Variants in PRKAG3 observed in about 807,000 individuals in gnomAD.
The protein encoded by PRKAG3 is 5'-AMP-activated protein kinase subunit gamma-3.
In PRKAG3, 39 loss-of-function variants were observed where a neutral mutation model predicts 56.5. The observed-to-expected ratio is 0.69, with a 90% confidence interval of 0.53 to 0.90. PRKAG3 has a LOEUF of 0.90. Among genes scored for constraint, PRKAG3 ranks in the 40% least tolerant of loss-of-function variants. The pLI, the probability that PRKAG3 is intolerant of heterozygous loss-of-function variation, is 0.00. For missense variants in PRKAG3, 628 were observed against 627.5 expected, an observed-to-expected ratio of 1.00 and a Z score of -0.01; for synonymous variants, 243 against 250.1, an observed-to-expected ratio of 0.97 and a Z score of 0.27.
At chr2:218,830,377 G>A (rs1944002955) in exon 4 of PRKAG3, 1 of 1,607,048 alleles carries the variant, frequency 6.2e-7, no homozygotes, top group African/African-American at 1.3e-5. Context: ...GCCTGGACCG[G>A]GGACCTGTTT....
In PRKAG3 at chr2:218,824,552, C is replaced by T. The variant is rs200507899; in HGVS notation, c.1193G>A (p.Arg398His). The T allele has an allele frequency of 4.5e-5, 72 of 1,613,144 alleles. No individual in the cohort carries two copies. The highest frequency in any genetic ancestry group is 1.3e-4 in the South Asian group (12 of 91,062). The stretch of plus-strand genomic sequence containing the variant: ...AGCGACACTTACAATCACATCAAAG[C>T]GGGAATAGAGGCCCACGACCTGACC... Residue 398 changes from arginine to histidine, a missense_variant, in exon 11 of 13, where the codon CGC becomes CAC. Arg to His is a conservative substitution (Grantham distance 29). Coordinates refer to ENST00000529249, the Ensembl canonical transcript of PRKAG3.
exon 4 of PRKAG3, chr2:218,830,216 T>C (rs1484777069): frequency 1.2e-6 from 2 of 1,614,046 alleles, no homozygotes; most frequent in South Asian, 2.2e-5. Context: ...CAGCTCCACA[T>C]CATCTGTGCT....
In PRKAG3 at chr2:218,827,218, C is replaced by G. The variant is rs1216667676; in HGVS notation, c.1002+29G>C. On this transcript the variant is annotated intron_variant, in intron 9 of 12. Transcript: ENST00000529249. This position sits in a 1 kb window ranked among gnomAD's most constrained non-coding sequence, Gnocchi z 5.3. ...CCTCTGATCACCTGCCCAGGTCTCC[C>G]CCTTCCTCCCACCTGGGCCCAGGCT... 3 of 1,614,012 alleles carry G rather than the reference C, an allele frequency of 1.9e-6. No individual in the cohort carries two copies. The highest frequency in any genetic ancestry group is 2.5e-6 in the Non-Finnish European group (3 of 1,179,952).
chr2:218,824,313 A>G, exon 12 of PRKAG3: 1 of 1,614,126 alleles, frequency 6.2e-7, no homozygotes, highest in East Asian at 2.2e-5. Flanking sequence ...CCTCTGCCTC[A>G]GGGCTTCTCC....
intron 4 of PRKAG3, 45 bp downstream of exon 4, chr2:218,829,933 T>A: frequency 6.3e-7 from 1 of 1,584,494 alleles, no homozygotes; most frequent in East Asian, 2.3e-5. Flanking sequence ...TGCAGCACCG[T>A]GTGGATGGAG....
chr2:218,823,806 C>A, exon 13 of PRKAG3: 1 of 1,614,104 alleles, frequency 6.2e-7, no homozygotes, highest in African/African-American at 1.3e-5. Flanking sequence ...AGCACCAGTG[C>A]CTGAAGGATG....
rs111948324 is a variant in PRKAG3 at position 218,825,923 on chromosome 2, AT to A, written c.1168+1004del. ...AGGTGTGCGCCACCATGCCCAGCTA[AT>A]TTTTTTTTGTAGTTTTAGTAGAGAT... On this transcript the variant is annotated intron_variant, in intron 10 of 12. Transcript: ENST00000529249. Among the ~76,000 whole-genome samples the A allele has an allele frequency of 3.4e-4, 51 of 150,936 alleles. 1 individual carries two copies. In the South Asian group the frequency reaches 8.5e-3, roughly 25 times the overall value.
At position 218,827,376 on chromosome 2, in the gene PRKAG3, G is replaced by T; in HGVS notation, c.876-3C>A. The T allele has an allele frequency of 1.2e-6, 2 of 1,614,110 alleles. No homozygotes were observed. The highest frequency in any genetic ancestry group is 2.2e-5 in the East Asian group (1 of 44,878). Reference sequence around the variant, plus strand: ...GGGTGTAGACAGCTTCAAACAGGCTGCAGAGATGGGAGCAGTGAGCCTCGG... The same window carrying T: ...GGGTGTAGACAGCTTCAAACAGGCTTCAGAGATGGGAGCAGTGAGCCTCGG... On this transcript the variant is annotated splice_polypyrimidine_tract_variant and splice_region_variant and intron_variant, in intron 8 of 12. Transcript: ENST00000529249. This position sits in a 1 kb window ranked among gnomAD's most constrained non-coding sequence, Gnocchi z 5.3.
intron 3 of PRKAG3, 149 bp downstream of exon 3, chr2:218,830,597 T>C: frequency 3.4e-6 from 4 of 1,162,434 alleles, no homozygotes; most frequent in Non-Finnish European, 3.6e-6. Flanking sequence ...TGCCTTGTTC[T>C]CTACTATGTA....
At chr2:218,830,488 TG>T in intron 3 of PRKAG3, 107 bp from the exon 4 acceptor site, 3 of 1,415,076 alleles carry the variant, frequency 2.1e-6, no homozygotes, top group Non-Finnish European at 2.9e-6. Context: ...CTGGATGCTG[TG>T]GCCCTATTTG....
Position 218,823,889 on chromosome 2 carries a change from G to T in PRKAG3, c.1354-11C>A. ...CACCAGCCTGTGTACCTGTGGGTCC[G>T]CAATGTTCAGTGAGGGGGCAGAGCC... On this transcript the variant is annotated splice_polypyrimidine_tract_variant and intron_variant, in intron 12 of 12. Coordinates refer to ENST00000529249, the Ensembl canonical transcript of PRKAG3. 5.0e-6 allele frequency: 8 copies of T among 1,611,598 alleles called. No individual in the cohort carries two copies. The highest frequency in any genetic ancestry group is 6.8e-6 in the Non-Finnish European group (8 of 1,177,896).
chr2:218,828,242 C>T (rs370956046), intron 5 of PRKAG3, among the ~76,000 whole-genome samples, 180 bp from the exon 6 acceptor site: 1 of 152,304 alleles, frequency 6.6e-6, no homozygotes, highest in East Asian at 1.9e-4. Flanking sequence ...CTCCTGCCTC[C>T]CCCCATTTGC....
At position 218,824,243 on chromosome 2, in the gene PRKAG3, G is replaced by A. The variant is rs73082940; in HGVS notation, c.1332C>T (p.Ile444=). ...GTACCTGCTCCCGAGCAATCCTGTC[G>A]ATCACTTCCCCCAAGCTCTCGTGGG... is the stretch of plus-strand genomic sequence containing the variant. The change falls in exon 12 of 13, where the codon ATC becomes ATT. Residue 444 remains isoleucine, a synonymous_variant. Transcript: ENST00000529249. The A allele has an allele frequency of 1.5e-3, 2,453 of 1,614,104 alleles. 30 individuals carry two copies. In the African/African-American group the frequency reaches 0.03, roughly 20 times the overall value.
At position 218,827,663 on chromosome 2, in the gene PRKAG3, C is replaced by T. The variant is rs759902758; in HGVS notation, c.821-34G>A. 1.7e-5 allele frequency: 28 copies of T among 1,610,054 alleles called. No individual in the cohort carries two copies. Among genetic ancestry groups the T allele is most frequent in the South Asian group, 2.2e-5 (2 of 90,944 alleles). On this transcript the variant is annotated intron_variant, in intron 7 of 12. Transcript: ENST00000529249. This position sits in a 1 kb window ranked among gnomAD's most constrained non-coding sequence, Gnocchi z 5.3. ...AGAGCCAGAGTCAGGCCAGGGGAGC[C>T]GGTCACCTGCCTCACCTTGCAGTCC...
At chr2:218,831,356 A>C in exon 2 of PRKAG3, 10 of 1,603,602 alleles carry the variant, frequency 6.2e-6, no homozygotes, top group Non-Finnish European at 7.7e-6. Context: ...AGAACCCCCA[A>C]GGCTGCTCCA....
intron 4 of PRKAG3, 68 bp from the exon 5 acceptor site, chr2:218,828,668 G>C: frequency 7.3e-7 from 1 of 1,371,588 alleles, no homozygotes; most frequent in Non-Finnish European, 1.0e-6. Flanking sequence ...CTGCCCCTCA[G>C]TGCGCACCTC....
exon 4 of PRKAG3, chr2:218,830,365 T>C (rs1187750359): frequency 1.2e-6 from 2 of 1,608,002 alleles, no homozygotes; most frequent in Non-Finnish European, 1.7e-6. Flanking sequence ...ACTCAGCAGC[T>C]GGCCTGGACC....
At chr2:218,828,024 G>T (rs147431919) in exon 6 of PRKAG3, 1 of 1,569,582 alleles carries the variant, frequency 6.4e-7, no homozygotes, top group Non-Finnish European at 8.6e-7. Flanking sequence ...CTGTAGTAGC[G>T]ATGCAGCACC....
rs544059292 is a variant in PRKAG3 at position 218,826,760 on chromosome 2, G to A, written c.1168+168C>T. On this transcript the variant is annotated intron_variant, in intron 10 of 12. Coordinates refer to ENST00000529249, the Ensembl canonical transcript of PRKAG3. ...AAAGGAGGAAACTGAGGCACAGAGAGGCTAAGCAACTTGCCCAAGTCTCAG... is the reference window on the plus strand; with the variant it reads ...AAAGGAGGAAACTGAGGCACAGAGAAGCTAAGCAACTTGCCCAAGTCTCAG... 9.0e-5 allele frequency: 72 copies of A among 797,040 alleles called. No individual in the cohort carries two copies. In the African/African-American group the frequency reaches 1.1e-3, roughly 12 times the overall value. 49.4% of individuals were successfully genotyped at this position (797,040 alleles called of 1,614,324 possible).
Sources: allele counts gnomAD v4.1 joint callset (sites outside exome capture counted in the v4.1 genomes callset), GRCh38; gene constraint gnomAD v4.1.1; non-coding constraint Gnocchi (gnomAD v3.1); transcripts MANE v1.5; gene names NCBI Gene and HGNC (gene_info 2026-07-23, HGNC 2026-07-21).